The following DCDC2C variants were observed in gnomAD, a reference collection of about 807,000 sequenced individuals.
DCDC2C encodes doublecortin domain-containing protein 2C.
DCDC2C carries 44 observed loss-of-function variants against 45.0 expected under a neutral mutation model. That is an observed-to-expected ratio of 0.98 (90% confidence interval 0.77 to 1.26). The LOEUF (loss-of-function observed/expected upper bound fraction) is 1.26, where lower values mean the gene tolerates loss of function less well. Among genes scored for constraint, DCDC2C ranks in the 50% most tolerant of loss-of-function variants. The pLI is 0.00. For missense variants in DCDC2C, 447 were observed against 468.9 expected (o/e 0.95, Z 0.43); for synonymous variants, 187 against 178.8 (o/e 1.05, Z -0.37).
chr2:3,846,024 T>G (rs757245965), intron 10 of DCDC2C, among the ~76,000 whole-genome samples: 5 of 152,192 alleles, frequency 3.3e-5, no homozygotes, highest in Non-Finnish European at 5.9e-5. Context: ...AGGGGTTAGG[T>G]GGCTGGCCTG....
At chr2:3,726,217 G>T (rs1288761865) in intron 2 of DCDC2C, among the ~76,000 whole-genome samples, 1 of 152,094 alleles carries the variant, frequency 6.6e-6, no homozygotes, top group Non-Finnish European at 1.5e-5. Flanking sequence ...CTCTTCAGAG[G>T]AAGGCCAGGC....
Position 3,773,180 on chromosome 2 carries a change from G to C in DCDC2C, c.954+3769G>C, listed in dbSNP as rs112316292. Among the ~76,000 whole-genome samples the C allele has an allele frequency of 6.7e-3, 1,016 of 152,278 alleles. 6 individuals carry two copies. The highest frequency in any genetic ancestry group is 0.024 in the African/African-American group (986 of 41,542). ...GGGTGGAAGCTGTGGGGCGTGGCCG[G>C]CTGTCAGAGAGAAGGCGATTCACTG... On this transcript the variant is annotated intron_variant, in intron 8 of 10. Coordinates refer to ENST00000399143, the MANE Select transcript of DCDC2C (RefSeq NM_001287444.2).
At chr2:3,724,625 C>T (rs1163439295) in intron 2 of DCDC2C, among the ~76,000 whole-genome samples, 1 of 152,178 alleles carries the variant, frequency 6.6e-6, no homozygotes, top group African/African-American at 2.4e-5. Context: ...CGTCGAGCTC[C>T]TGTAACATTA....
chr2:3,719,205 C>A (rs1402805783), intron 2 of DCDC2C, among the ~76,000 whole-genome samples: 2 of 152,126 alleles, frequency 1.3e-5, no homozygotes. Flanking sequence ...CCTGCCTCAG[C>A]CTCCCGAGTA....
chr2:3,809,368 C>A (rs1026619532), intron 10 of DCDC2C, among the ~76,000 whole-genome samples: 1 of 152,132 alleles, frequency 6.6e-6, no homozygotes, highest in Non-Finnish European at 1.5e-5. Context: ...ATACCATGAA[C>A]ATGTTCTATC....
chr2:3,823,596 C>A (rs10209122), intron 10 of DCDC2C, among the ~76,000 whole-genome samples: 34,545 of 152,118 alleles, frequency 0.23, 4,081 homozygotes, highest in South Asian at 0.35. Context: ...TCAACTCAGT[C>A]AGTTTTTGCT....
rs972350552 is a variant in DCDC2C, at chr2:3,731,822, G to A, written c.416+4743G>A. Among the ~76,000 whole-genome samples the A allele has an allele frequency of 2.0e-5, 3 of 152,160 alleles. No individual in the cohort carries two copies. The East Asian group carries it at 5.8e-4, about 29-fold the overall frequency. The stretch of plus-strand genomic sequence containing the variant: ...ACTGTCGTGTTCTTGAGCTCACGAG[G>A]CCATGTCATAGTCCCAGTCTTGGGG... On this transcript the variant is annotated intron_variant, in intron 3 of 10. Coordinates refer to ENST00000399143, the MANE Select transcript of DCDC2C (RefSeq NM_001287444.2).
intron 10 of DCDC2C, among the ~76,000 whole-genome samples, chr2:3,791,873 G>T (rs1558229806): frequency 6.6e-6 from 1 of 152,190 alleles, no homozygotes; most frequent in African/African-American, 2.4e-5. Flanking sequence ...GTGTCCCTCT[G>T]GTATATTCAA....
At chr2:3,755,349 ATGTGTGTATGCATG>A (rs1669665598) in intron 6 of DCDC2C, among the ~76,000 whole-genome samples, 1 of 147,688 alleles carries the variant, frequency 6.8e-6, no homozygotes, top group South Asian at 2.1e-4. Flanking sequence ...ATAGATGCAT[ATGTGTGTATGCATG>A]TGTGTATGGG....
chr2:3,811,602 A>G (rs1211178975), intron 10 of DCDC2C, among the ~76,000 whole-genome samples: 1 of 152,160 alleles, frequency 6.6e-6, no homozygotes, highest in Non-Finnish European at 1.5e-5. Context: ...CCTGGCCAGA[A>G]CTTCCAATAC....
At chr2:3,731,407 G>A (rs2148084278) in intron 3 of DCDC2C, among the ~76,000 whole-genome samples, 1 of 152,312 alleles carries the variant, frequency 6.6e-6, no homozygotes, top group East Asian at 1.9e-4. Context: ...CTGGCTGGAA[G>A]CATTTTCTAT....
chr2:3,741,592 CT>C (rs1669209572), intron 3 of DCDC2C, among the ~76,000 whole-genome samples: 1 of 152,102 alleles, frequency 6.6e-6, no homozygotes. Flanking sequence ...GACAAGAGAA[CT>C]TTTCCTGTTT....
intron 8 of DCDC2C, among the ~76,000 whole-genome samples, chr2:3,775,022 C>T (rs1297877840): frequency 6.6e-6 from 1 of 152,022 alleles, no homozygotes; most frequent in Non-Finnish European, 1.5e-5. Context: ...GCCTCAGCCT[C>T]CCAAAGTGCT....
At chr2:3,837,225 C>T (rs1672104301) in intron 10 of DCDC2C, among the ~76,000 whole-genome samples, 1 of 152,186 alleles carries the variant, frequency 6.6e-6, no homozygotes, top group South Asian at 2.1e-4. Flanking sequence ...TTTGCTAAAT[C>T]TGCTAAGGAG....
chr2:3,839,982 G>A (rs148473853), intron 10 of DCDC2C, among the ~76,000 whole-genome samples: 6 of 152,338 alleles, frequency 3.9e-5, no homozygotes, highest in African/African-American at 1.2e-4. Flanking sequence ...AGAGAAGCCC[G>A]TGGACTTCGC....
intron 4 of DCDC2C, among the ~76,000 whole-genome samples, chr2:3,748,525 A>C (rs1210114170): frequency 6.6e-6 from 1 of 151,946 alleles, no homozygotes; most frequent in Admixed American, 6.6e-5. Context: ...GGGAGTTAAG[A>C]ATTAATTTTT....
chr2:3,845,152 G>T (rs1483753444), intron 10 of DCDC2C, among the ~76,000 whole-genome samples: 1 of 152,166 alleles, frequency 6.6e-6, no homozygotes, highest in Non-Finnish European at 1.5e-5. Flanking sequence ...TATGCACGAG[G>T]TCTGTGGCTC....
At chr2:3,795,291 G>T (rs1300854306) in intron 10 of DCDC2C, among the ~76,000 whole-genome samples, 2 of 150,318 alleles carry the variant, frequency 1.3e-5, no homozygotes, top group Non-Finnish European at 3.0e-5. Flanking sequence ...AGGAGGTTGC[G>T]AAAATTTTCT....
rs1040388925 is a variant in DCDC2C, at chr2:3,731,283, A to G, written c.416+4204A>G. On this transcript the variant is annotated intron_variant, in intron 3 of 10. Coordinates refer to ENST00000399143, the MANE Select transcript of DCDC2C (RefSeq NM_001287444.2). Reference sequence around the variant, plus strand: ...TCCCATCCACTAATGCTTGGTCCACAAGTCTCAGGACCAGCAGCTGGGGCA... The same window carrying G: ...TCCCATCCACTAATGCTTGGTCCACGAGTCTCAGGACCAGCAGCTGGGGCA... Among the ~76,000 whole-genome samples the G allele has an allele frequency of 5.3e-5, 8 of 152,248 alleles. No homozygotes were observed. In the East Asian group the frequency reaches 1.4e-3, roughly 26 times the overall value.
Sources: gnomAD v4.1 joint callset for allele counts (sites outside exome capture counted in the v4.1 genomes callset) on GRCh38, gnomAD v4.1.1 for gene constraint, MANE v1.5 for transcripts, NCBI Gene and HGNC (gene_info 2026-07-23, HGNC 2026-07-21) for gene names.